Variants in ARHGEF37 observed in about 807,000 individuals in gnomAD.
ARHGEF37 encodes Rho guanine nucleotide exchange factor (GEF) 37.
In ARHGEF37, 55 loss-of-function variants were observed where a neutral mutation model predicts 71.1. The observed-to-expected ratio is 0.77, with a 90% confidence interval of 0.62 to 0.97. ARHGEF37 has a LOEUF of 0.97. ARHGEF37 is among the 50% of genes least tolerant of loss of function. The probability of loss-of-function intolerance (pLI) is 0.00; values close to 1 mark genes in which losing one functional copy is unlikely to be tolerated. For synonymous variants in ARHGEF37, 327 were observed against 350.6 expected (o/e 0.93, Z 0.75); for missense variants, 765 against 836.8 (o/e 0.91, Z 1.06).
intron 6 of ARHGEF37, 42 bp downstream of exon 6, chr5:149,618,348 C>T: frequency 6.2e-7 from 1 of 1,612,908 alleles, no homozygotes; most frequent in Non-Finnish European, 8.5e-7. Context: ...CCAGCCACCC[C>T]CAAGGCCAGG....
chr5:149,590,244 G>C (rs140347041), intron 1 of ARHGEF37, among the ~76,000 whole-genome samples: 57 of 151,660 alleles, frequency 3.8e-4, no homozygotes, highest in Non-Finnish European at 3.1e-4. Context: ...ATCAGAAGCA[G>C]TAGCTTGCTG....
chr5:149,634,001 C>T lies in ARHGEF37; in HGVS notation c.*1810C>T, dbSNP rs567771072. 2.0e-5 allele frequency: 3 copies of T among 152,160 alleles called. No individual in the cohort carries two copies. Among genetic ancestry groups the T allele is most frequent in the Non-Finnish European group, 2.9e-5 (2 of 68,014 alleles). The allele number at this position is 152,160 out of a possible 1,614,324, so 9.4% of individuals were successfully genotyped here. A position where few individuals can be genotyped will look rare whatever the true frequency, so the allele number is the denominator to read the frequency against. ...CAGATAATGAAATAGGAAACCCACT[C>T]GTGGGTTCCACAGATACCTACCGAA... On this transcript the variant is annotated 3_prime_UTR_variant, in exon 13 of 13. Transcript: ENST00000333677.
chr5:149,555,215 T>C (rs1762737711), intron 1 of ARHGEF37, among the ~76,000 whole-genome samples: 1 of 151,258 alleles, frequency 6.6e-6, no homozygotes, highest in Admixed American at 6.6e-5. Flanking sequence ...ACTAAAAATA[T>C]CAAAAGTGTA....
At chr5:149,601,269 C>A in intron 3 of ARHGEF37, 38 bp downstream of exon 3, 12 of 1,596,270 alleles carry the variant, frequency 7.5e-6, no homozygotes, top group South Asian at 2.2e-5. Flanking sequence ...GCCTTAGATT[C>A]TCATGGAACT....
chr5:149,604,142 A>G (rs1464027748), intron 3 of ARHGEF37, among the ~76,000 whole-genome samples: 4 of 152,062 alleles, frequency 2.6e-5, no homozygotes, highest in Admixed American at 6.6e-5. Flanking sequence ...GTTCCTTGTA[A>G]AGGTCTTCAT....
upstream of ARHGEF37, among the ~76,000 whole-genome samples, chr5:149,577,538 T>C (rs34953047): frequency 0.26 from 38,997 of 152,112 alleles, 5,426 homozygotes; most frequent in Admixed American, 0.41. Flanking sequence ...AAAAAAATGG[T>C]ATGGGAAGAA....
At chr5:149,568,504 A>C (rs1456070423) in intron 1 of ARHGEF37, among the ~76,000 whole-genome samples, 1 of 152,118 alleles carries the variant, frequency 6.6e-6, no homozygotes, top group African/African-American at 2.4e-5. Flanking sequence ...TAACAAATGC[A>C]TGTACCCTTG....
At chr5:149,610,606 C>A (rs368298290) in intron 4 of ARHGEF37, among the ~76,000 whole-genome samples, 87 of 152,318 alleles carry the variant, frequency 5.7e-4, no homozygotes, top group African/African-American at 2.1e-3. Context: ...CGTGTCCTAG[C>A]CCCTCTCTGC....
At position 149,597,927 on chromosome 5, in the gene ARHGEF37, C is replaced by A. The variant is rs758513645; in HGVS notation, c.158C>A (p.Ala53Asp). 11 of 1,600,160 alleles carry A rather than the reference C, an allele frequency of 6.9e-6. 1 individual carries two copies. In the East Asian group the frequency reaches 1.1e-4, roughly 17 times the overall value. ...VSYLHMLQLCASDIRSRLQQL... is the reference protein window; with the variant it reads ...VSYLHMLQLCDSDIRSRLQQL... ...TACTTGCACATGCTCCAGCTCTGTG[C>A]CTCTGACATCAGGAGCCGCCTCCAG... Residue 53 changes from alanine to aspartate, a missense_variant, in exon 2 of 13, where the codon GCC becomes GAC. Physicochemically the swap from Ala to Asp is moderately radical, Grantham distance 126. This residue lies in a region of ARHGEF37 where 201 missense variants were observed against 217.5 expected (regional missense o/e 0.92). Transcript: ENST00000333677.
At chr5:149,625,426 G>A (rs1580936497) in intron 10 of ARHGEF37, among the ~76,000 whole-genome samples, 1 of 152,248 alleles carries the variant, frequency 6.6e-6, no homozygotes. Context: ...ACAGCCCTGA[G>A]ATTCCCCAGA....
intron 10 of ARHGEF37, 67 bp from the exon 11 acceptor site, chr5:149,627,009 A>G: frequency 6.7e-7 from 1 of 1,503,684 alleles, no homozygotes; most frequent in Non-Finnish European, 9.0e-7. Context: ...AATGTGAGCA[A>G]ATGTTGGTGC....
intron 2 of ARHGEF37, among the ~76,000 whole-genome samples, chr5:149,598,266 T>TTCTTCTTCC (rs1763612552): frequency 1.3e-5 from 1 of 79,492 alleles, no homozygotes; most frequent in Admixed American, 1.5e-4. Context: ...AAACTGACTC[T>TTCTTCTTCC]TCTTCTTCTT....
intron 1 of ARHGEF37, among the ~76,000 whole-genome samples, chr5:149,584,790 T>A (rs552721094): frequency 6.6e-6 from 1 of 151,992 alleles, no homozygotes; most frequent in Non-Finnish European, 1.5e-5. Context: ...TCTGGCTAAT[T>A]TTTGTATTTT....
At position 149,556,469 on chromosome 5, in the gene ARHGEF37, C is replaced by T. The variant is rs545965310; in HGVS notation, c.-12+4346C>T. Among the ~76,000 whole-genome samples the T allele has an allele frequency of 9.7e-4, 148 of 152,210 alleles. 1 individual carries two copies. The highest frequency in any genetic ancestry group is 1.4e-3 in the East Asian group (7 of 5,184). ...ATGGTGCAATTTTGCCTCACTGCAACCTTCGCCTCCCAGGTTCGAGCGATT... is the reference window on the plus strand; with the variant it reads ...ATGGTGCAATTTTGCCTCACTGCAATCTTCGCCTCCCAGGTTCGAGCGATT... On this transcript the variant is annotated intron_variant, in intron 1 of 2. Transcript: ENST00000505810.
chr5:149,628,599 A>G (rs1752772713), intron 11 of ARHGEF37, among the ~76,000 whole-genome samples: 1 of 152,184 alleles, frequency 6.6e-6, no homozygotes, highest in Non-Finnish European at 1.5e-5. Flanking sequence ...TCTGTCCGGT[A>G]GGGAATGAGC....
chr5:149,622,267 A>G (rs1561808080), intron 9 of ARHGEF37, among the ~76,000 whole-genome samples: 1 of 152,224 alleles, frequency 6.6e-6, no homozygotes. Context: ...CCATGAAAGC[A>G]AGGATAGGAC....
intron 4 of ARHGEF37, among the ~76,000 whole-genome samples, chr5:149,610,205 G>A (rs1160161598): frequency 6.6e-6 from 1 of 152,222 alleles, no homozygotes; most frequent in African/African-American, 2.4e-5. Context: ...GTGCTCATGA[G>A]AAGCACAGGA....
chr5:149,562,201 G>GT (rs1762841709), intron 1 of ARHGEF37, among the ~76,000 whole-genome samples: 1 of 152,184 alleles, frequency 6.6e-6, no homozygotes, highest in Non-Finnish European at 1.5e-5. Flanking sequence ...AGGGCGCTGA[G>GT]TAGGGAAAAA....
intron 1 of ARHGEF37, among the ~76,000 whole-genome samples, chr5:149,558,631 CAGGCGTG>C (rs1319193344): frequency 2.0e-5 from 3 of 151,844 alleles, no homozygotes; most frequent in Admixed American, 2.0e-4. Flanking sequence ...GCTGGGATTA[CAGGCGTG>C]AGCCACTGTG....
Sources: gnomAD v4.1 joint callset for allele counts (sites outside exome capture counted in the v4.1 genomes callset) on GRCh38, gnomAD v4.1.1 for gene constraint, gnomAD v4.1.1 regional missense constraint, MANE v1.5 for transcripts, NCBI Gene and HGNC (gene_info 2026-07-23, HGNC 2026-07-21) for gene names.